Variants in PPP1R12A observed in about 807,000 individuals in gnomAD.
PPP1R12A encodes myosin binding subunit.
In PPP1R12A, 19 loss-of-function variants were observed where a neutral mutation model predicts 139.6. That is an observed-to-expected ratio of 0.14 (90% confidence interval 0.09 to 0.20). The LOEUF is 0.20. Among genes scored for constraint, PPP1R12A ranks in the 10% least tolerant of loss-of-function variants. The pLI is 1.00. For synonymous variants in PPP1R12A, 427 were observed against 420.6 expected, an observed-to-expected ratio of 1.02 and a Z score of -0.19; for missense variants, 925 against 1,211.5, an observed-to-expected ratio of 0.76 and a Z score of 3.51.
chr12:79,893,485 A>T (rs1351179493), intron 1 of PPP1R12A, among the ~76,000 whole-genome samples: 2 of 152,184 alleles, frequency 1.3e-5, no homozygotes, highest in African/African-American at 4.8e-5. Context: ...TTGTTACTAT[A>T]TGTACAGTAT....
intron 21 of PPP1R12A, chr12:79,786,770 C>G: frequency 5.0e-6 from 1 of 199,792 alleles, no homozygotes; most frequent in Non-Finnish European, 1.0e-5. Flanking sequence ...AAAGAGGGAC[C>G]ACATACCTGC....
rs1029872610 is a variant in PPP1R12A at position 79,777,029 on chromosome 12, T to C, written c.3007-1014A>G. ...TTCAGAATCTTTAAGATATAAAATA[T>C]AGTAATATTAAGTTTATTCATTTGA... On this transcript the variant is annotated intron_variant, in intron 24 of 24. Coordinates refer to ENST00000450142, the MANE Select transcript of PPP1R12A (RefSeq NM_002480.3). 1.6e-4 allele frequency: 56 copies of C among 358,646 alleles called. 1 individual carries two copies. Among genetic ancestry groups the C allele is most frequent in the African/African-American group, 1.1e-3 (49 of 45,102 alleles). The allele number at this position is 358,646 out of a possible 1,614,324, so 22.2% of individuals were successfully genotyped here. A position where few individuals can be genotyped will look rare whatever the true frequency, so the allele number is the denominator to read the frequency against.
intron 1 of PPP1R12A, among the ~76,000 whole-genome samples, chr12:79,931,654 G>A (rs1318672707): frequency 1.3e-5 from 2 of 152,074 alleles, no homozygotes; most frequent in African/African-American, 4.8e-5. Context: ...ACTCTACCAG[G>A]TAGCTATAAA....
At chr12:79,922,611 C>G (rs1217399499) in intron 1 of PPP1R12A, among the ~76,000 whole-genome samples, 2 of 152,128 alleles carry the variant, frequency 1.3e-5, no homozygotes, top group African/African-American at 4.8e-5. Context: ...ACCTCAGGTT[C>G]TCACTCATAA....
intron 1 of PPP1R12A, among the ~76,000 whole-genome samples, chr12:79,884,939 T>C (rs533951432): frequency 6.6e-6 from 1 of 152,226 alleles, no homozygotes; most frequent in East Asian, 1.9e-4. Flanking sequence ...TATACAATGC[T>C]CAAAGCAGAC....
chr12:79,786,552 T>C (rs548603334), intron 21 of PPP1R12A, 74 bp from the exon 22 acceptor site: 8 of 975,312 alleles, frequency 8.2e-6, no homozygotes, highest in South Asian at 3.3e-5. Context: ...ATTGATTACT[T>C]TGCAATATTA....
chr12:79,844,094 A>T (rs1209235225), intron 3 of PPP1R12A, among the ~76,000 whole-genome samples: 2 of 152,134 alleles, frequency 1.3e-5, no homozygotes, highest in African/African-American at 4.8e-5. Flanking sequence ...TTTAAAGTGT[A>T]GAATTCAATG....
intron 2 of PPP1R12A, among the ~76,000 whole-genome samples, chr12:79,866,018 C>G (rs1181543596): frequency 6.6e-6 from 1 of 152,100 alleles, no homozygotes; most frequent in Non-Finnish European, 1.5e-5. Context: ...CAAGACAATC[C>G]TGGGCAAGAA....
intron 1 of PPP1R12A, among the ~76,000 whole-genome samples, chr12:79,934,021 GGCA>G (rs79789360): frequency 0.75 from 113,782 of 151,906 alleles, 45,634 homozygotes; most frequent in Non-Finnish European, 0.92. Flanking sequence ...TCCGGAGGTG[GGCA>G]AGCCCTTTAG....
chr12:79,844,955 T>A (rs1449956824), intron 3 of PPP1R12A, among the ~76,000 whole-genome samples: 1 of 152,196 alleles, frequency 6.6e-6, no homozygotes, highest in Admixed American at 6.5e-5. Context: ...AAATGACCCC[T>A]TATCAGTGAG....
At chr12:79,782,959 C>G (rs1362532451) in intron 22 of PPP1R12A, among the ~76,000 whole-genome samples, 2 of 152,052 alleles carry the variant, frequency 1.3e-5, no homozygotes, top group African/African-American at 4.8e-5. Flanking sequence ...GTTTTAGTAT[C>G]TCTAGGACTT....
chr12:79,776,084 AATGTT>A, intron 24 of PPP1R12A, 69 bp from the exon 25 acceptor site: 1 of 979,966 alleles, frequency 1.0e-6, no homozygotes, highest in Non-Finnish European at 1.5e-6. Context: ...ATTCTTAATA[AATGTT>A]ATATTTTCAC....
rs1315978980 is a variant in PPP1R12A, at chr12:79,832,201, T to G, written c.647+131A>C. On this transcript the variant is annotated intron_variant, in intron 4 of 24. Coordinates refer to ENST00000450142, the MANE Select transcript of PPP1R12A (RefSeq NM_002480.3). ...ATATTCAAAGTAGTTTTTCTCTTTC[T>G]TCCTGAAAACAGGCATTAAAGAACT... The G allele has an allele frequency of 3.8e-6, 3 of 789,560 alleles. No homozygotes were observed. In the East Asian group the frequency reaches 8.9e-5, roughly 23 times the overall value. The allele number at this position is 789,560 out of a possible 1,614,324, so 48.9% of individuals were successfully genotyped here. A position where few individuals can be genotyped will look rare whatever the true frequency, so the allele number is the denominator to read the frequency against.
chr12:79,778,555 G>T lies in PPP1R12A; in HGVS notation c.3001C>A (p.Leu1001Ile). The stretch of plus-strand genomic sequence containing the variant: ...AAGTAACATAGTTTACTTACTTTGA[G>T]CTCTTCTTCCATTTCAGATATTCTT... ...ERRISEMEEELKMLPDLKADN... is the reference protein window; with the variant it reads ...ERRISEMEEEIKMLPDLKADN... Residue 1001 changes from leucine to isoleucine, a missense_variant, in exon 24 of 25, where the codon CTC (leucine) becomes ATC (isoleucine). Physicochemically the swap from Leu to Ile is conservative, Grantham distance 5. Transcript: ENST00000450142. The T allele has an allele frequency of 6.5e-7, 1 of 1,532,118 alleles. No homozygotes were observed. The highest frequency in any genetic ancestry group is 1.2e-5 in the South Asian group (1 of 81,292). 94.9% of individuals were successfully genotyped at this position (1,532,118 alleles called of 1,614,324 possible).
At chr12:79,880,878 C>G (rs991144727) in intron 1 of PPP1R12A, among the ~76,000 whole-genome samples, 6 of 152,214 alleles carry the variant, frequency 3.9e-5, no homozygotes, top group African/African-American at 1.4e-4. Context: ...TACCTCATGT[C>G]TGTGTCACAT....
At chr12:79,858,466 ATAT>A (rs1880939821) in intron 2 of PPP1R12A, among the ~76,000 whole-genome samples, 2 of 152,242 alleles carry the variant, frequency 1.3e-5, no homozygotes, top group Admixed American at 1.3e-4. Context: ...ACAAGTATTA[ATAT>A]TTCCATTTTA....
intron 11 of PPP1R12A, 150 bp from the exon 12 acceptor site, chr12:79,807,480 C>CTTTACTTTAA: frequency 2.0e-6 from 1 of 503,554 alleles, no homozygotes; most frequent in Non-Finnish European, 3.4e-6. Context: ...AAAGTAATTT[C>CTTTACTTTAA]AGTACTAAGA....
chr12:79,797,260 TTTC>T lies in PPP1R12A; in HGVS notation c.2224_2226del (p.Glu742del). ...TCTCTAGATGTTTCTGACTCCTTCT[TTTC>T]TTCTTGTTTCTCTTTATCTTGTTTC... On this transcript the variant is annotated inframe_deletion, in exon 16 of 25. Transcript: ENST00000450142. 1 of 1,587,110 alleles carries T rather than the reference TTTC, an allele frequency of 6.3e-7. No homozygotes were observed. Among genetic ancestry groups the T allele is most frequent in the Non-Finnish European group, 8.6e-7 (1 of 1,165,276 alleles).
intron 14 of PPP1R12A, among the ~76,000 whole-genome samples, chr12:79,800,366 C>G (rs1441516282): frequency 1.3e-5 from 2 of 150,936 alleles, no homozygotes; most frequent in Non-Finnish European, 2.9e-5. Context: ...CCCACTTCCA[C>G]TTAATGAGTA....
Sources: allele counts gnomAD v4.1 joint callset (sites outside exome capture counted in the v4.1 genomes callset), GRCh38; gene constraint gnomAD v4.1.1; transcripts MANE v1.5; gene names NCBI Gene and HGNC (gene_info 2026-07-23, HGNC 2026-07-21).